PDZRN4: variants seen among roughly 807,000 people sequenced by gnomAD.
PDZRN4 encodes PDZ domain-containing RING finger protein 4.
In PDZRN4, 70 loss-of-function variants were observed where a neutral mutation model predicts 99.0. That is an observed-to-expected ratio of 0.71 (90% confidence interval 0.58 to 0.86). The LOEUF (loss-of-function observed/expected upper bound fraction) is 0.86. Among genes scored for constraint, PDZRN4 ranks in the 40% least tolerant of loss-of-function variants. The pLI, the probability that PDZRN4 is intolerant of heterozygous loss-of-function variation, is 0.00. For missense variants in PDZRN4, 1,474 were observed against 1,331.2 expected (o/e 1.11, Z -1.67); for synonymous variants, 551 against 501.6 (o/e 1.10, Z -1.32).
intron 3 of PDZRN4, among the ~76,000 whole-genome samples, chr12:41,311,895 T>C (rs1951609297): frequency 6.6e-6 from 1 of 152,208 alleles, no homozygotes; most frequent in Non-Finnish European, 1.5e-5. Flanking sequence ...TTGCAATTTC[T>C]TTTAAACTTA....
At chr12:41,301,640 G>A (rs1020770703) in intron 3 of PDZRN4, among the ~76,000 whole-genome samples, 9 of 151,992 alleles carry the variant, frequency 5.9e-5, no homozygotes, top group Admixed American at 3.9e-4. Flanking sequence ...AAAAGATAAT[G>A]CTAAATCTAA....
At chr12:41,382,209 C>A (rs953307708) in intron 3 of PDZRN4, among the ~76,000 whole-genome samples, 4 of 152,158 alleles carry the variant, frequency 2.6e-5, no homozygotes, top group African/African-American at 9.6e-5. Flanking sequence ...TGCTCCCCAG[C>A]CAAGTAGTGC....
At chr12:41,401,870 C>T (rs1952291185) in intron 3 of PDZRN4, among the ~76,000 whole-genome samples, 1 of 151,688 alleles carries the variant, frequency 6.6e-6, no homozygotes, top group Non-Finnish European at 1.5e-5. Context: ...ATGATTCCCC[C>T]TCTTCGTTGT....
At chr12:41,402,190 TACAC>T (rs375050864) in intron 3 of PDZRN4, among the ~76,000 whole-genome samples, 1 of 17,400 alleles carries the variant, frequency 5.7e-5, no homozygotes, top group African/African-American at 3.8e-4. Context: ...TATATATATA[TACAC>T]ACACACTGAG....
intron 3 of PDZRN4, among the ~76,000 whole-genome samples, chr12:41,268,711 G>T (rs1951295568): frequency 6.6e-6 from 1 of 151,988 alleles, no homozygotes; most frequent in South Asian, 2.1e-4. Context: ...CCAACATAAA[G>T]AATTTTAGAG....
At chr12:41,426,633 A>C (rs1314784855) in intron 3 of PDZRN4, among the ~76,000 whole-genome samples, 1 of 152,194 alleles carries the variant, frequency 6.6e-6, no homozygotes, top group Non-Finnish European at 1.5e-5. Flanking sequence ...GTGAAAATGC[A>C]CATCTTAATA....
intron 5 of PDZRN4, among the ~76,000 whole-genome samples, chr12:41,510,137 T>G (rs1938281903): frequency 6.6e-6 from 1 of 152,178 alleles, no homozygotes. Context: ...GCTCTCATTT[T>G]GTTGCTTTTT....
intron 3 of PDZRN4, among the ~76,000 whole-genome samples, chr12:41,453,129 G>T (rs889905751): frequency 6.6e-6 from 1 of 152,140 alleles, no homozygotes; most frequent in African/African-American, 2.4e-5. Flanking sequence ...GCATAGCTTT[G>T]AATAAAGCAA....
chr12:41,343,938 G>C (rs1951835554), intron 3 of PDZRN4, among the ~76,000 whole-genome samples: 1 of 152,020 alleles, frequency 6.6e-6, no homozygotes, highest in African/African-American at 2.4e-5. Context: ...ATTTCTGGCA[G>C]TCTTATGGTA....
intron 3 of PDZRN4, among the ~76,000 whole-genome samples, chr12:41,439,165 A>C (rs1461734714): frequency 6.6e-6 from 1 of 152,230 alleles, no homozygotes; most frequent in Non-Finnish European, 1.5e-5. Flanking sequence ...GCATTAATTA[A>C]ATATAAAAAT....
intron 3 of PDZRN4, among the ~76,000 whole-genome samples, chr12:41,242,972 T>C (rs1951110399): frequency 6.6e-6 from 1 of 152,220 alleles, no homozygotes; most frequent in African/African-American, 2.4e-5. Context: ...CTAATTGCAG[T>C]GTGTGTTGGT....
intron 3 of PDZRN4, among the ~76,000 whole-genome samples, chr12:41,332,163 C>T (rs1951744720): frequency 6.6e-6 from 1 of 152,012 alleles, no homozygotes; most frequent in Non-Finnish European, 1.5e-5. Flanking sequence ...TCTCCAGTTA[C>T]ACTCAAGTAC....
chr12:41,230,961 G>A (rs185105771), intron 3 of PDZRN4, among the ~76,000 whole-genome samples: 2 of 152,214 alleles, frequency 1.3e-5, no homozygotes, highest in African/African-American at 2.4e-5. Context: ...TGAGCTGCCT[G>A]AATCTGCCAT....
chr12:41,554,933 A>G (rs76876259), intron 6 of PDZRN4, among the ~76,000 whole-genome samples: 2,439 of 151,598 alleles, frequency 0.016, 32 homozygotes, highest in East Asian at 0.05. Context: ...CTTGGGCCGG[A>G]CGCGGTGGCT....
chr12:41,328,177 T>C (rs1951721845), intron 3 of PDZRN4, among the ~76,000 whole-genome samples: 1 of 152,158 alleles, frequency 6.6e-6, no homozygotes, highest in African/African-American at 2.4e-5. Context: ...AATATTCTTG[T>C]TTTTAATCTT....
intron 3 of PDZRN4, among the ~76,000 whole-genome samples, chr12:41,493,498 T>G (rs1937929143): frequency 6.6e-6 from 1 of 152,174 alleles, no homozygotes; most frequent in Non-Finnish European, 1.5e-5. Context: ...ATGCATCCAC[T>G]TTTTTGCCCT....
In PDZRN4 at chr12:41,438,097, A is replaced by AT. The variant is rs1235027309; in HGVS notation, c.844-68353dup. On this transcript the variant is annotated intron_variant, in intron 3 of 9. Coordinates refer to ENST00000402685, the MANE Select transcript of PDZRN4 (RefSeq NM_001164595.2). Reference sequence around the variant, plus strand: ...CGGTAAATGAATTCTGGCTAGCTTTATTTTTTCTTTCAGTACATTTCAGAA... The same window carrying AT: ...CGGTAAATGAATTCTGGCTAGCTTTATTTTTTTCTTTCAGTACATTTCAGAA... 6 of 1,519,830 alleles carry AT rather than the reference A, an allele frequency of 3.9e-6. No individual in the cohort carries two copies. In the African/African-American group the frequency reaches 5.5e-5, roughly 14 times the overall value. The allele number at this position is 1,519,830 out of a possible 1,614,324, so 94.1% of individuals were successfully genotyped here. A position where few individuals can be genotyped will look rare whatever the true frequency, so the allele number is the denominator to read the frequency against.
intron 7 of PDZRN4, among the ~76,000 whole-genome samples, chr12:41,558,327 C>T (rs1439801399): frequency 6.6e-6 from 1 of 152,138 alleles, no homozygotes; most frequent in Admixed American, 6.5e-5. Flanking sequence ...CTTGCAGATG[C>T]ATTAGGTCTA....
At chr12:41,229,666 A>G (rs10748275) in intron 3 of PDZRN4, among the ~76,000 whole-genome samples, 101,611 of 151,944 alleles carry the variant, frequency 0.67, 34,106 homozygotes, top group South Asian at 0.73. Flanking sequence ...ACCATTGGAT[A>G]TGGTGCCCTT....
Sources: allele counts gnomAD v4.1 joint callset (sites outside exome capture counted in the v4.1 genomes callset), GRCh38; gene constraint gnomAD v4.1.1; transcripts MANE v1.5; gene names NCBI Gene and HGNC (gene_info 2026-07-23, HGNC 2026-07-21).